Variants in WWOX observed in about 807,000 individuals in gnomAD.
The protein encoded by WWOX is WW domain containing oxidoreductase.
WWOX carries 69 observed loss-of-function variants against 46.2 expected under a neutral mutation model. The ratio of observed to expected loss-of-function variants is 1.49; its 90% confidence interval spans 1.23 to 1.82. The LOEUF (loss-of-function observed/expected upper bound fraction) is 1.82, where lower values mean the gene tolerates loss of function less well. Ranked by LOEUF, WWOX falls within the 40% of genes most tolerant of loss-of-function variation. The probability of loss-of-function intolerance (pLI) is 0.00; values close to 1 mark genes in which losing one functional copy is unlikely to be tolerated. For missense variants in WWOX, 919 were observed against 542.6 expected (o/e 1.69, Z -6.89); for synonymous variants, 359 against 202.6 (o/e 1.77, Z -6.56).
At chr16:78,842,570 G>C (rs192107473) in intron 8 of WWOX, among the ~76,000 whole-genome samples, 29 of 152,266 alleles carry the variant, frequency 1.9e-4, no homozygotes, top group African/African-American at 7.0e-4. Context: ...AGTGTACATA[G>C]AATACAAGAG....
At chr16:79,194,062 A>T (rs1397890764) in intron 8 of WWOX, among the ~76,000 whole-genome samples, 1 of 152,068 alleles carries the variant, frequency 6.6e-6, no homozygotes, top group Non-Finnish European at 1.5e-5. Context: ...TGTTATGAAG[A>T]TTCTGTGTGT....
chr16:78,563,456 G>C (rs942944344), intron 8 of WWOX, among the ~76,000 whole-genome samples: 7 of 147,644 alleles, frequency 4.7e-5, no homozygotes, highest in African/African-American at 1.7e-4. Flanking sequence ...TCCAAAGATA[G>C]TATGTGTTCA....
chr16:78,791,017 T>TGA (rs2050583496), intron 8 of WWOX, among the ~76,000 whole-genome samples: 1 of 18,630 alleles, frequency 5.4e-5, no homozygotes, highest in African/African-American at 4.0e-4. Flanking sequence ...AGACCCTGTC[T>TGA]CAAAAAAAAA....
chr16:79,097,399 C>G (rs2049098614), intron 8 of WWOX, among the ~76,000 whole-genome samples: 1 of 148,838 alleles, frequency 6.7e-6, no homozygotes, highest in Non-Finnish European at 1.5e-5. Flanking sequence ...GCAGAAGAGT[C>G]TAGCAATTAG....
chr16:78,863,540 C>G (rs190598771), intron 8 of WWOX, among the ~76,000 whole-genome samples: 19 of 152,174 alleles, frequency 1.2e-4, no homozygotes, highest in Admixed American at 3.3e-4. Flanking sequence ...CATCAGTAGT[C>G]CTCGTGATCT....
intron 8 of WWOX, among the ~76,000 whole-genome samples, chr16:78,925,398 C>G (rs1040009851): frequency 6.6e-6 from 1 of 152,150 alleles, no homozygotes; most frequent in Non-Finnish European, 1.5e-5. Flanking sequence ...AAGGACAGCT[C>G]TCAGGCAAAA....
intron 3 of WWOX, among the ~76,000 whole-genome samples, chr16:78,113,298 G>T (rs181403917): frequency 6.6e-6 from 1 of 152,184 alleles, no homozygotes; most frequent in East Asian, 1.9e-4. Context: ...AGAGCCTCCC[G>T]TCTAGAGCAG....
intron 5 of WWOX, among the ~76,000 whole-genome samples, chr16:78,217,719 A>G (rs17652533): frequency 0.2 from 29,939 of 152,092 alleles, 3,154 homozygotes; most frequent in African/African-American, 0.23. Context: ...GCATTCTTTC[A>G]GCAGACAGTT....
chr16:78,849,823 A>G (rs945244181), intron 8 of WWOX, among the ~76,000 whole-genome samples: 1 of 152,152 alleles, frequency 6.6e-6, no homozygotes, highest in Non-Finnish European at 1.5e-5. Context: ...CTGTAATCCC[A>G]GCACTTTGGG....
At chr16:79,057,669 A>G (rs1567520206) in intron 8 of WWOX, among the ~76,000 whole-genome samples, 1 of 152,112 alleles carries the variant, frequency 6.6e-6, no homozygotes, top group African/African-American at 2.4e-5. Flanking sequence ...AACTGGAGGA[A>G]CTGGCCTACT....
chr16:78,378,805 A>G (rs981369901), intron 5 of WWOX, among the ~76,000 whole-genome samples: 5 of 152,206 alleles, frequency 3.3e-5, no homozygotes, highest in Admixed American at 2.6e-4. Flanking sequence ...CCGTGCTTAC[A>G]TTTTCTCCTT....
intron 8 of WWOX, among the ~76,000 whole-genome samples, chr16:78,559,967 A>T (rs1248460459): frequency 6.6e-6 from 1 of 152,160 alleles, no homozygotes; most frequent in Non-Finnish European, 1.5e-5. Context: ...ATTTTGTCTG[A>T]ACTAGCCAAG....
intron 1 of WWOX, among the ~76,000 whole-genome samples, chr16:78,105,965 C>G (rs1043351229): frequency 2.0e-5 from 3 of 152,108 alleles, no homozygotes; most frequent in Non-Finnish European, 4.4e-5. Flanking sequence ...CCATGTCTGT[C>G]TAATTTTTGT....
chr16:79,174,772 A>G (rs770816475), intron 8 of WWOX, among the ~76,000 whole-genome samples: 15 of 152,240 alleles, frequency 9.9e-5, no homozygotes, highest in Non-Finnish European at 2.1e-4. Flanking sequence ...GGTTAATTTT[A>G]GAAGCTAATA....
chr16:78,825,481 A>C, intron 8 of WWOX: 2 of 451,514 alleles, frequency 4.4e-6, no homozygotes, highest in South Asian at 3.4e-5. Context: ...GGGATTCTGG[A>C]ATTGACTGCT....
At chr16:79,182,592 C>A (rs1213174000) in intron 8 of WWOX, among the ~76,000 whole-genome samples, 5 of 152,048 alleles carry the variant, frequency 3.3e-5, no homozygotes, top group Admixed American at 3.3e-4. Context: ...AGTAGAATAT[C>A]AGGGTGTTTA....
chr16:78,892,745 C>A (rs570638565), intron 8 of WWOX, among the ~76,000 whole-genome samples: 1 of 152,318 alleles, frequency 6.6e-6, no homozygotes, highest in South Asian at 2.1e-4. Context: ...CTGTTGATGG[C>A]ATCCCACAAC....
intron 8 of WWOX, among the ~76,000 whole-genome samples, chr16:78,642,401 C>G (rs2046741191): frequency 6.6e-6 from 1 of 152,282 alleles, no homozygotes; most frequent in South Asian, 2.1e-4. Context: ...CTCAAAGTCT[C>G]TCTCCTTGCT....
At chr16:78,861,504 C>A (rs1388445636) in intron 8 of WWOX, among the ~76,000 whole-genome samples, 1 of 152,156 alleles carries the variant, frequency 6.6e-6, no homozygotes, top group Non-Finnish European at 1.5e-5. Flanking sequence ...TCCCCCATGC[C>A]TGAAAATTTA....
Sources: gnomAD v4.1 joint callset for allele counts (sites outside exome capture counted in the v4.1 genomes callset) on GRCh38, gnomAD v4.1.1 for gene constraint, MANE v1.5 for transcripts, NCBI Gene and HGNC (gene_info 2026-07-23, HGNC 2026-07-21) for gene names.